The following CSMD3 variants were observed in gnomAD, a reference collection of about 807,000 sequenced individuals.
CSMD3 encodes CUB and Sushi multiple domains 3.
Under a neutral mutation model 435.2 loss-of-function variants are expected in CSMD3, and 177 were observed. The ratio of observed to expected loss-of-function variants is 0.41; its 90% CI spans 0.36 to 0.46. CSMD3 has a LOEUF of 0.46. Among genes scored for constraint, CSMD3 ranks in the 20% least tolerant of loss-of-function variants. The pLI is 0.34. For missense variants in CSMD3, 4,265 were observed against 4,504.6 expected (o/e 0.95, Z 1.52); for synonymous variants, 1,656 against 1,520.5 (o/e 1.09, Z -2.07).
In CSMD3 at chr8:113,301,076, C is replaced by G. The variant is rs1588470113; in HGVS notation, c.401+13495G>C. On this transcript the variant is annotated intron_variant, in intron 2 of 70. Coordinates refer to ENST00000297405, the MANE Select transcript of CSMD3 (RefSeq NM_198123.2). ...TAGGGATGTTCATGTATGATTCATA[C>G]ATGTTCATGTATGATTAAAGTATAA... Among the ~76,000 whole-genome samples the G allele has an allele frequency of 4.0e-5, 6 of 148,400 alleles. 1 individual carries two copies. Among genetic ancestry groups the G allele is most frequent in the Admixed American group, 4.0e-4 (6 of 15,056 alleles).
chr8:112,587,090 A>G lies in CSMD3; in HGVS notation c.3861T>C (p.His1287=), dbSNP rs1830793093. 1.2e-6 allele frequency: 2 copies of G among 1,610,740 alleles called. No individual in the cohort carries two copies. Among genetic ancestry groups the G allele is most frequent in the African/African-American group, 1.3e-5 (1 of 74,762 alleles). ...KGINISARTF[H]LAQGDVLKIY... Reference sequence around the variant, plus strand: ...CCTTAAGAACATCTCCTTGTGCTAAATGAAATGTTCTGGCTGAAATATTGA... The same window carrying G: ...CCTTAAGAACATCTCCTTGTGCTAAGTGAAATGTTCTGGCTGAAATATTGA... Residue 1287 remains histidine (H), a synonymous_variant, in exon 23 of 71, where the codon CAT becomes CAC. Coordinates refer to ENST00000297405, the MANE Select transcript of CSMD3 (RefSeq NM_198123.2).
rs2130715428 is a variant in CSMD3 at position 112,295,929 on chromosome 8, C to T, written c.8518G>A (p.Val2840Ile). Residue 2840 changes from valine (V) to isoleucine (I), a missense_variant, in exon 54 of 71, where the codon GTA becomes ATA. Physicochemically the swap from Val to Ile is conservative, Grantham distance 29. This residue lies in a region of CSMD3 where 3,255 missense variants were observed against 3,380.2 expected (regional missense o/e 0.96). Coordinates refer to ENST00000297405, the MANE Select transcript of CSMD3 (RefSeq NM_198123.2). ...CGAAAACCAGGATTACATTGATATA[C>T]AACTGTGTCTCTATATCCATAATTT... ...GENYGYRDTVVYQCNPGFRLI... is the reference protein window; with the variant it reads ...GENYGYRDTVIYQCNPGFRLI... The T allele has an allele frequency of 6.2e-7, 1 of 1,612,520 alleles. No homozygotes were observed. Among genetic ancestry groups the T allele is most frequent in the African/African-American group, 1.3e-5 (1 of 75,008 alleles).
chr8:113,204,619 A>G (rs981578985), intron 3 of CSMD3, among the ~76,000 whole-genome samples: 1 of 152,170 alleles, frequency 6.6e-6, no homozygotes, highest in Admixed American at 6.6e-5. Context: ...TGACTCAGCC[A>G]GAGGAACTTT....
intron 24 of CSMD3, among the ~76,000 whole-genome samples, chr8:112,563,312 T>C (rs1828798237): frequency 6.6e-6 from 1 of 151,888 alleles, no homozygotes; most frequent in Non-Finnish European, 1.5e-5. Context: ...TTCCAGTTTT[T>C]AGTTTATGGA....
At chr8:113,173,048 C>T (rs1010470352) in intron 4 of CSMD3, among the ~76,000 whole-genome samples, 2 of 152,120 alleles carry the variant, frequency 1.3e-5, no homozygotes, top group African/African-American at 2.4e-5. Flanking sequence ...AATTTCCATG[C>T]TGTCGTCTAT....
intron 37 of CSMD3, among the ~76,000 whole-genome samples, chr8:112,381,009 G>C (rs1029994212): frequency 1.3e-5 from 2 of 151,770 alleles, no homozygotes; most frequent in African/African-American, 4.8e-5. Context: ...TAACTAAAAA[G>C]AAACACAAAA....
rs1281581118 is a variant in CSMD3, at chr8:112,556,792, GC to G, written c.4204del (p.Ala1402HisfsTer43). The G allele has an allele frequency of 6.2e-7, 1 of 1,611,926 alleles. No homozygotes were observed. Among genetic ancestry groups the G allele is most frequent in the Non-Finnish European group, 8.5e-7 (1 of 1,178,504 alleles). The stretch of plus-strand genomic sequence containing the variant: ...ACAGGAAGGCAGAGGATAGTCCCAT[GC>G]CCTTCTCTCCCCTGTCATGCACTTG... The part of the protein sequence containing the change: ...LLKCMTGERR[A>X]WDYPLPSCIA... On this transcript the variant is annotated frameshift_variant, in exon 25 of 71. Coordinates refer to ENST00000297405, the MANE Select transcript of CSMD3 (RefSeq NM_198123.2). LOFTEE classifies it high-confidence loss of function.
chr8:112,270,219 C>T (rs1484640323), intron 59 of CSMD3, among the ~76,000 whole-genome samples: 2 of 152,132 alleles, frequency 1.3e-5, no homozygotes, highest in South Asian at 2.1e-4. Flanking sequence ...GGAGACCTTA[C>T]CATTATTATT....
chr8:112,297,548 C>T (rs965827803), intron 53 of CSMD3, among the ~76,000 whole-genome samples: 1 of 151,852 alleles, frequency 6.6e-6, no homozygotes, highest in Non-Finnish European at 1.5e-5. Context: ...TAAAAACTGA[C>T]AACAAATTAG....
chr8:112,938,372 T>A (rs2083350077), intron 9 of CSMD3, among the ~76,000 whole-genome samples: 1 of 152,222 alleles, frequency 6.6e-6, no homozygotes, highest in Non-Finnish European at 1.5e-5. Context: ...GATTCTTTCT[T>A]CTCAAATAAA....
At chr8:113,015,780 T>A (rs1008781890) in intron 6 of CSMD3, among the ~76,000 whole-genome samples, 1 of 151,840 alleles carries the variant, frequency 6.6e-6, no homozygotes, top group African/African-American at 2.4e-5. Context: ...CCCTTCCAAT[T>A]TAAAAAATAA....
chr8:112,763,596 TA>T (rs982595901), intron 13 of CSMD3, among the ~76,000 whole-genome samples: 2 of 147,684 alleles, frequency 1.4e-5, no homozygotes, highest in East Asian at 3.9e-4. Flanking sequence ...GCATCCTAGA[TA>T]AAAAATAAGA....
chr8:113,416,863 AAGAGT>A (rs1016493740), intron 1 of CSMD3, among the ~76,000 whole-genome samples: 1 of 152,138 alleles, frequency 6.6e-6, no homozygotes, highest in African/African-American at 2.4e-5. Flanking sequence ...TCTTTGATTC[AAGAGT>A]AGAGAGGAAA....
At chr8:113,428,385 AT>A (rs1215081591) in intron 1 of CSMD3, among the ~76,000 whole-genome samples, 38 of 151,672 alleles carry the variant, frequency 2.5e-4, no homozygotes, top group Non-Finnish European at 1.5e-5. Flanking sequence ...TTTCTTTTAG[AT>A]TTTGGTAAGT....
chr8:113,013,480 G>A (rs1005835934), intron 6 of CSMD3, among the ~76,000 whole-genome samples: 29 of 152,046 alleles, frequency 1.9e-4, no homozygotes, highest in African/African-American at 6.5e-4. Flanking sequence ...GAGATCGGGC[G>A]AGTTAAGGGT....
At chr8:113,202,113 C>A (rs1198923606) in intron 3 of CSMD3, among the ~76,000 whole-genome samples, 2 of 152,072 alleles carry the variant, frequency 1.3e-5, no homozygotes. Context: ...TAACACTTGA[C>A]TTCATATTCA....
At chr8:113,355,205 T>C (rs72670778) in intron 1 of CSMD3, among the ~76,000 whole-genome samples, 14,577 of 152,152 alleles carry the variant, frequency 0.096, 904 homozygotes, top group Middle Eastern at 0.17. Context: ...ATTCTATCTA[T>C]ATTCCTAATG....
At chr8:112,541,366 TC>T (rs1412494469) in intron 27 of CSMD3, among the ~76,000 whole-genome samples, 1 of 151,766 alleles carries the variant, frequency 6.6e-6, no homozygotes, top group Non-Finnish European at 1.5e-5. Context: ...CAATTGAGAT[TC>T]CCTTAGCTAT....
chr8:112,928,546 T>C (rs2082987912), intron 9 of CSMD3, among the ~76,000 whole-genome samples: 1 of 151,944 alleles, frequency 6.6e-6, no homozygotes. Flanking sequence ...TGTTTGGTTT[T>C]TTGTTCTTGC....
Sources: gnomAD v4.1 joint callset for allele counts (sites outside exome capture counted in the v4.1 genomes callset) on GRCh38, gnomAD v4.1.1 for gene constraint, gnomAD v4.1.1 regional missense constraint, MANE v1.5 for transcripts, NCBI Gene and HGNC (gene_info 2026-07-23, HGNC 2026-07-21) for gene names.